Variants in STAG1 observed in about 807,000 individuals in gnomAD.
The protein encoded by STAG1 is STAG1 cohesin complex component.
Under a neutral mutation model 170.9 loss-of-function variants are expected in STAG1, and 26 were observed. The observed-to-expected ratio is 0.15, with a 90% CI of 0.11 to 0.21. STAG1 has a LOEUF of 0.21. Among genes scored for constraint, STAG1 ranks in the 10% least tolerant of loss-of-function variants. The probability of loss-of-function intolerance (pLI) is 1.00; values close to 1 mark genes in which losing one functional copy is unlikely to be tolerated. For missense variants in STAG1, 964 were observed against 1,509.5 expected (o/e 0.64, Z 5.99); for synonymous variants, 514 against 497.7 (o/e 1.03, Z -0.44).
At chr3:136,375,538 T>C (rs1259536605) in intron 23 of STAG1, among the ~76,000 whole-genome samples, 2 of 152,130 alleles carry the variant, frequency 1.3e-5, no homozygotes, top group East Asian at 3.9e-4. Context: ...CCATGAAATA[T>C]ACTCAGGTAT....
rs571186494 is a variant in STAG1, at chr3:136,466,643, A to G, written c.1206-1655T>C. On this transcript the variant is annotated intron_variant, in intron 12 of 33. Transcript: ENST00000383202. ...GCAGGCCAACGTTCAGATTCAGGAA[A>G]TACAGAGAACGCCACAAAGATACTC... Among the ~76,000 whole-genome samples the G allele has an allele frequency of 3.6e-3, 549 of 152,266 alleles. 11 individuals carry two copies. Among genetic ancestry groups the G allele is most frequent in the Admixed American group, 0.032 (484 of 15,278 alleles).
intron 1 of STAG1, among the ~76,000 whole-genome samples, chr3:136,725,744 G>C (rs1189095758): frequency 6.6e-6 from 1 of 152,166 alleles, no homozygotes; most frequent in Non-Finnish European, 1.5e-5. Flanking sequence ...GTGTGACCAA[G>C]TACAGACAGC....
chr3:136,427,922 A>G (rs1275590026), intron 16 of STAG1, among the ~76,000 whole-genome samples: 1 of 152,210 alleles, frequency 6.6e-6, no homozygotes, highest in Non-Finnish European at 1.5e-5. Flanking sequence ...ATAATTTTAG[A>G]AAGAGGTTTC....
intron 28 of STAG1, among the ~76,000 whole-genome samples, chr3:136,351,535 T>C (rs539513870): frequency 1.2e-4 from 18 of 152,224 alleles, no homozygotes; most frequent in Non-Finnish European, 1.9e-4. Context: ...TTGAAAGCAT[T>C]CCCCAAGCCA....
At chr3:136,496,486 A>G (rs927807552) in intron 9 of STAG1, among the ~76,000 whole-genome samples, 4 of 152,208 alleles carry the variant, frequency 2.6e-5, no homozygotes, top group East Asian at 1.9e-4. Context: ...TTAGAAATCA[A>G]TAACAGAAAG....
At chr3:136,344,611 C>A (rs1050162579) in intron 29 of STAG1, among the ~76,000 whole-genome samples, 11 of 151,986 alleles carry the variant, frequency 7.2e-5, no homozygotes, top group Admixed American at 6.6e-5. Context: ...ACTTACCATT[C>A]TTTGTTTAAA....
chr3:136,538,523 A>G (rs953892612), intron 6 of STAG1, among the ~76,000 whole-genome samples: 1 of 151,490 alleles, frequency 6.6e-6, no homozygotes, highest in Non-Finnish European at 1.5e-5. Context: ...GATTCAAGCG[A>G]TTCTCCTGCG....
chr3:136,547,463 GATACAC>G (rs754755617), intron 5 of STAG1, among the ~76,000 whole-genome samples: 12 of 152,084 alleles, frequency 7.9e-5, no homozygotes, highest in Non-Finnish European at 1.6e-4. Flanking sequence ...ACTGAAACTT[GATACAC>G]ATTATTAGCA....
intron 1 of STAG1, among the ~76,000 whole-genome samples, chr3:136,715,701 A>C (rs1559968156): frequency 6.6e-6 from 1 of 152,226 alleles, no homozygotes; most frequent in Non-Finnish European, 1.5e-5. Context: ...GGAATTGTGA[A>C]AAACGTTTTT....
chr3:136,423,052 CA>C lies in STAG1; in HGVS notation c.1651-9del. 1 of 1,576,290 alleles carries C rather than the reference CA, an allele frequency of 6.3e-7. No homozygotes were observed. Among genetic ancestry groups the C allele is most frequent in the Non-Finnish European group, 8.7e-7 (1 of 1,155,276 alleles). On this transcript the variant is annotated splice_polypyrimidine_tract_variant and intron_variant, in intron 16 of 33. Coordinates refer to ENST00000383202, the MANE Select transcript of STAG1 (RefSeq NM_005862.3). ...TTCTTTGGCAGTTAGCACCTAGAAA[CA>C]AAATCGGAAAAGAAGAAGAGTATTG... is the stretch of plus-strand genomic sequence containing the variant.
intron 6 of STAG1, among the ~76,000 whole-genome samples, chr3:136,524,284 G>C (rs1934871905): frequency 6.6e-6 from 1 of 152,164 alleles, no homozygotes; most frequent in Admixed American, 6.5e-5. Flanking sequence ...GCAGTGGTTT[G>C]TAGTTCTCCT....
chr3:136,376,880 T>C (rs1298369181), intron 23 of STAG1, among the ~76,000 whole-genome samples: 1 of 151,730 alleles, frequency 6.6e-6, no homozygotes, highest in Non-Finnish European at 1.5e-5. Flanking sequence ...AACCTCTGTC[T>C]CCCGGGTTCA....
chr3:136,626,032 G>A lies in STAG1; in HGVS notation c.30-2784C>T, dbSNP rs532788226. ...AGCACCACTGCACTCCAGCCTGGGC[G>A]AAAGAGTAGAACTCTGTCTCAAAAA... On this transcript the variant is annotated intron_variant, in intron 2 of 33. Coordinates refer to ENST00000383202, the MANE Select transcript of STAG1 (RefSeq NM_005862.3). Among the ~76,000 whole-genome samples the A allele has an allele frequency of 1.3e-3, 192 of 148,806 alleles. 1 individual carries two copies. The highest frequency in any genetic ancestry group is 0.012 in the Middle Eastern group (3 of 254).
chr3:136,602,817 G>A (rs1336981309), intron 4 of STAG1, among the ~76,000 whole-genome samples: 1 of 152,064 alleles, frequency 6.6e-6, no homozygotes, highest in Non-Finnish European at 1.5e-5. Context: ...TCCAACCTGG[G>A]CAATGGAGCA....
At chr3:136,408,105 C>G (rs1425743420) in intron 21 of STAG1, among the ~76,000 whole-genome samples, 1 of 152,106 alleles carries the variant, frequency 6.6e-6, no homozygotes, top group African/African-American at 2.4e-5. Context: ...TTAACTGGTT[C>G]TCTGTAGATG....
intron 4 of STAG1, among the ~76,000 whole-genome samples, chr3:136,581,661 T>C (rs1185883567): frequency 5.9e-5 from 9 of 152,152 alleles, no homozygotes; most frequent in Admixed American, 5.9e-4. Flanking sequence ...CCAGCAGCCC[T>C]AGTTAAACGA....
At chr3:136,743,321 T>C (rs1185160042) in intron 1 of STAG1, among the ~76,000 whole-genome samples, 2 of 151,448 alleles carry the variant, frequency 1.3e-5, no homozygotes, top group Non-Finnish European at 2.9e-5. Context: ...TGAGCTAAGA[T>C]TGCACCACTG....
At chr3:136,576,191 T>G (rs1463074025) in intron 4 of STAG1, among the ~76,000 whole-genome samples, 1 of 152,252 alleles carries the variant, frequency 6.6e-6, no homozygotes, top group Non-Finnish European at 1.5e-5. Flanking sequence ...GAATCTATGT[T>G]AGCACTAATG....
chr3:136,735,754 AG>A (rs1365217852), intron 1 of STAG1, among the ~76,000 whole-genome samples: 1 of 152,160 alleles, frequency 6.6e-6, no homozygotes, highest in Non-Finnish European at 1.5e-5. Flanking sequence ...CTGGAATTAT[AG>A]GGGTTCGCCA....
Sources: allele counts gnomAD v4.1 joint callset (sites outside exome capture counted in the v4.1 genomes callset), GRCh38; gene constraint gnomAD v4.1.1; transcripts MANE v1.5; gene names NCBI Gene and HGNC (gene_info 2026-07-23, HGNC 2026-07-21).